Variants in ITPR2 observed in about 807,000 individuals in gnomAD.
The protein encoded by ITPR2 is inositol 1,4,5-trisphosphate-gated calcium channel ITPR2.
Under a neutral mutation model 317.1 loss-of-function variants are expected in ITPR2, and 207 were observed. That is an observed-to-expected ratio of 0.65 (90% confidence interval 0.58 to 0.73). The LOEUF is 0.73. Ranked by LOEUF, ITPR2 falls within the 30% of genes least tolerant of loss-of-function variation. ITPR2 has a pLI of 0.00. For synonymous variants in ITPR2, 1,156 were observed against 1,149.1 expected (o/e 1.01, Z -0.12); for missense variants, 2,613 against 3,284.0 (o/e 0.80, Z 4.99).
At chr12:26,828,291 T>C (rs1260629361) in intron 1 of ITPR2, among the ~76,000 whole-genome samples, 4 of 152,222 alleles carry the variant, frequency 2.6e-5, no homozygotes, top group Non-Finnish European at 5.9e-5. Flanking sequence ...CCACTCTGCT[T>C]TGGTTTCATA....
At chr12:26,730,041 AAAG>A (rs1949000687) in intron 2 of ITPR2, among the ~76,000 whole-genome samples, 1 of 152,142 alleles carries the variant, frequency 6.6e-6, no homozygotes, top group Non-Finnish European at 1.5e-5. Flanking sequence ...AAGAAAAAGA[AAAG>A]AAAAGTTCTC....
At chr12:26,396,281 T>C (rs1166778629) in intron 54 of ITPR2, among the ~76,000 whole-genome samples, 2 of 152,180 alleles carry the variant, frequency 1.3e-5, no homozygotes, top group Non-Finnish European at 2.9e-5. Flanking sequence ...GAGTGTCCTC[T>C]CAGCCTCTTC....
chr12:26,712,919 T>C (rs1353595923), intron 8 of ITPR2, among the ~76,000 whole-genome samples: 2 of 152,212 alleles, frequency 1.3e-5, no homozygotes, highest in Non-Finnish European at 1.5e-5. Flanking sequence ...AATTCCAGAA[T>C]GTGATCAACA....
chr12:26,630,098 T>C (rs1946714754), intron 22 of ITPR2, among the ~76,000 whole-genome samples: 1 of 152,120 alleles, frequency 6.6e-6, no homozygotes, highest in Non-Finnish European at 1.5e-5. Context: ...TTGGTAACCA[T>C]GAGCAGAAGG....
chr12:26,367,125 T>C (rs1208363941), intron 55 of ITPR2, among the ~76,000 whole-genome samples: 1 of 152,202 alleles, frequency 6.6e-6, no homozygotes, highest in Non-Finnish European at 1.5e-5. Context: ...TAACCTTAGA[T>C]ATATACTTTT....
In ITPR2 at chr12:26,516,285, G is replaced by GGGAAAGGAAGGGAAAGGAAA. The variant is rs1943504831; in HGVS notation, c.5074-21026_5074-21025insTTTCCTTTCCCTTCCTTTCC. On this transcript the variant is annotated intron_variant, in intron 37 of 56. Coordinates refer to ENST00000381340, the MANE Select transcript of ITPR2 (RefSeq NM_002223.4). ...AGGAAAGGAAAGGAAGGGAAGGGAAGGGAAAGGAAAGGAAAGGAAAGGAAA... is the reference window on the plus strand; with the variant it reads ...AGGAAAGGAAAGGAAGGGAAGGGAAGGGAAAGGAAGGGAAAGGAAAGGAAAGGAAAGGAAAGGAAAGGAAA... Among the ~76,000 whole-genome samples, 31 of 42,818 alleles carry GGGAAAGGAAGGGAAAGGAAA rather than the reference G, an allele frequency of 7.2e-4. 1 individual carries two copies. The highest frequency in any genetic ancestry group is 1.6e-3 in the Admixed American group (5 of 3,066). 28.1% of individuals were successfully genotyped at this position (42,818 alleles called of 152,430 possible).
chr12:26,391,065 C>T (rs1466808218), intron 54 of ITPR2, among the ~76,000 whole-genome samples: 1 of 152,108 alleles, frequency 6.6e-6, no homozygotes, highest in Non-Finnish European at 1.5e-5. Flanking sequence ...AGGTGCAAAG[C>T]TTGAAAAATC....
chr12:26,431,223 C>T (rs907338983), intron 48 of ITPR2, among the ~76,000 whole-genome samples: 1 of 152,182 alleles, frequency 6.6e-6, no homozygotes, highest in Non-Finnish European at 1.5e-5. Flanking sequence ...AATTACACTA[C>T]AAATTCTAAT....
chr12:26,475,350 A>T lies in ITPR2; in HGVS notation c.6288T>A (p.Asp2096Glu). 6 of 1,613,028 alleles carry T rather than the reference A, an allele frequency of 3.7e-6. No homozygotes were observed. In the South Asian group the frequency reaches 6.6e-5, roughly 18 times the overall value. Reference sequence around the variant, plus strand: ...CAACATCTTTTGGAGAAACACCATCATCTCCACCCTCATCATCCCCATGGT... The same window carrying T: ...CAACATCTTTTGGAGAAACACCATCTTCTCCACCCTCATCATCCCCATGGT... ...ECDHGDDEGG[D>E]DGVSPKDVGH... Residue 2096 changes from aspartate (D) to glutamate (E), a missense_variant, in exon 45 of 57, where the codon GAT becomes GAA. Physicochemically the swap from Asp to Glu is conservative, Grantham distance 45. Transcript: ENST00000381340.
At position 26,656,372 on chromosome 12, in the gene ITPR2, T is replaced by A. The variant is rs1947367641; in HGVS notation, c.2369A>T (p.Asp790Val). The change falls in exon 19 of 57, where the codon GAT becomes GTT. Residue 790 changes from aspartate (D) to valine (V), a missense_variant. This residue lies in a region of ITPR2 where 817 missense variants were observed against 897.6 expected (regional missense o/e 0.91). Transcript: ENST00000381340. ...RLMLHMHVDR[D>V]PQESVVPVRY... ...AACAGGCACCACGGACTCCTGGGGA[T>A]CCCGGTCAACGTGCATGTGGAGCAT... is the stretch of plus-strand genomic sequence containing the variant. 6.8e-6 allele frequency: 11 copies of A among 1,614,160 alleles called. No homozygotes were observed. Among genetic ancestry groups the A allele is most frequent in the Non-Finnish European group, 9.3e-6 (11 of 1,180,034 alleles).
At chr12:26,615,951 T>G (rs1591964680) in intron 26 of ITPR2, among the ~76,000 whole-genome samples, 5 of 152,006 alleles carry the variant, frequency 3.3e-5, no homozygotes, top group Admixed American at 2.0e-4. Flanking sequence ...CACATTCTTC[T>G]CAAGCCACAA....
At chr12:26,368,199 C>G (rs1939074631) in intron 55 of ITPR2, among the ~76,000 whole-genome samples, 1 of 152,202 alleles carries the variant, frequency 6.6e-6, no homozygotes, top group Admixed American at 6.5e-5. Context: ...AATTACAACA[C>G]CACAAAATAT....
At chr12:26,659,863 G>A (rs1195238332) in intron 15 of ITPR2, among the ~76,000 whole-genome samples, 3 of 152,188 alleles carry the variant, frequency 2.0e-5, no homozygotes, top group Non-Finnish European at 4.4e-5. Context: ...TCTGTGAATA[G>A]GCTGGAATGA....
chr12:26,569,619 T>C (rs1945104412), intron 34 of ITPR2, among the ~76,000 whole-genome samples: 1 of 151,326 alleles, frequency 6.6e-6, no homozygotes, highest in Non-Finnish European at 1.5e-5. Flanking sequence ...AAAGAGATCA[T>C]TTTCTTAAAA....
chr12:26,786,460 A>AG (rs1462573258), intron 2 of ITPR2, among the ~76,000 whole-genome samples: 1 of 151,596 alleles, frequency 6.6e-6, no homozygotes, highest in Non-Finnish European at 1.5e-5. Context: ...AAAAAAAAAA[A>AG]AAAAAAAAAA....
At chr12:26,650,518 G>A (rs951893310) in intron 21 of ITPR2, among the ~76,000 whole-genome samples, 2 of 151,984 alleles carry the variant, frequency 1.3e-5, no homozygotes, top group African/African-American at 4.8e-5. Flanking sequence ...TGTTGATATG[G>A]GGACGCTATG....
At chr12:26,624,232 G>A in intron 24 of ITPR2, 67 bp downstream of exon 24, 2 of 1,043,486 alleles carry the variant, frequency 1.9e-6, no homozygotes, top group South Asian at 1.3e-5. Flanking sequence ...CAATATCAAA[G>A]TATCAATAGA....
chr12:26,638,164 A>G (rs1946904840), intron 21 of ITPR2, among the ~76,000 whole-genome samples: 1 of 152,248 alleles, frequency 6.6e-6, no homozygotes, highest in African/African-American at 2.4e-5. Context: ...TGTGTTCTGC[A>G]TCTTATTTTG....
intron 13 of ITPR2, among the ~76,000 whole-genome samples, chr12:26,676,996 C>T (rs968536312): frequency 4.6e-5 from 7 of 152,104 alleles, no homozygotes; most frequent in African/African-American, 1.2e-4. Flanking sequence ...CAAAGCATGC[C>T]GCGGCACTTT....
Sources: allele counts gnomAD v4.1 joint callset (sites outside exome capture counted in the v4.1 genomes callset), GRCh38; gene constraint gnomAD v4.1.1; regional missense constraint gnomAD v4.1.1; transcripts MANE v1.5; gene names NCBI Gene and HGNC (gene_info 2026-07-23, HGNC 2026-07-21).